MOB4: variants seen among roughly 807,000 people sequenced by gnomAD.
The protein encoded by MOB4 is MOB-like protein phocein.
In MOB4, 4 loss-of-function variants were observed where a neutral mutation model predicts 32.2. The ratio of observed to expected loss-of-function variants is 0.12; its 90% CI spans 0.06 to 0.28. The LOEUF is 0.28. Among genes scored for constraint, MOB4 ranks in the 10% least tolerant of loss-of-function variants. The probability of loss-of-function intolerance (pLI) is 1.00; values close to 1 mark genes in which losing one functional copy is unlikely to be tolerated. For synonymous variants in MOB4, 88 were observed against 88.1 expected, an observed-to-expected ratio of 1.00 and a Z score of 0.01; for missense variants, 158 against 271.2, an observed-to-expected ratio of 0.58 and a Z score of 2.93.
chr2:197,515,709 C>T (rs1263658260), upstream of MOB4: 1 of 263,236 alleles, frequency 3.8e-6, no homozygotes, highest in Non-Finnish European at 7.3e-6. Context: ...ACGGTCGCCA[C>T]TATACGAAGT....
chr2:197,531,512 G>A lies in MOB4; in HGVS notation c.124-4018G>A, dbSNP rs148632333. Among the ~76,000 whole-genome samples the A allele has an allele frequency of 8.3e-3, 1,254 of 151,966 alleles. 20 individuals are homozygous for A. The highest frequency in any genetic ancestry group is 0.029 in the African/African-American group (1,204 of 41,436). On this transcript the variant is annotated intron_variant, in intron 2 of 7. Coordinates refer to ENST00000323303, the MANE Select transcript of MOB4 (RefSeq NM_015387.5). ...TTTTTCTCAGCCTACTCAGCTTCTT[G>A]AATTTGCAAGCTTATATCTTTTTAC...
chr2:197,518,472 G>C (rs915137809), intron 1 of MOB4, among the ~76,000 whole-genome samples: 1 of 149,522 alleles, frequency 6.7e-6, no homozygotes, highest in Non-Finnish European at 1.5e-5. Flanking sequence ...ATGTTAACCA[G>C]GCTGGTCTCG....
At chr2:197,531,364 T>C (rs1185393129) in intron 2 of MOB4, among the ~76,000 whole-genome samples, 1 of 151,890 alleles carries the variant, frequency 6.6e-6, no homozygotes, top group Non-Finnish European at 1.5e-5. Context: ...TATTTTAAAG[T>C]GTACAGTTCT....
Position 197,548,326 on chromosome 2 carries a change from T to C in MOB4, c.355-10T>C. ...TTTGTTGATGCATTTCTATATTCTTTCTTTTGTAGTGTCCTGCTATAGACT... is the reference window on the plus strand; with the variant it reads ...TTTGTTGATGCATTTCTATATTCTTCCTTTTGTAGTGTCCTGCTATAGACT... On this transcript the variant is annotated splice_polypyrimidine_tract_variant and intron_variant, in intron 5 of 7. Transcript: ENST00000323303. The C allele has an allele frequency of 3.7e-6, 6 of 1,600,520 alleles. No homozygotes were observed. Among genetic ancestry groups the C allele is most frequent in the Non-Finnish European group, 4.3e-6 (5 of 1,173,616 alleles).
intron 2 of MOB4, among the ~76,000 whole-genome samples, chr2:197,531,160 G>A (rs2086696578): frequency 6.6e-6 from 1 of 151,018 alleles, no homozygotes; most frequent in Non-Finnish European, 1.5e-5. Context: ...CTACTCTCCT[G>A]CCTCAGCCTG....
chr2:197,548,568 T>C (rs895858035), intron 6 of MOB4, among the ~76,000 whole-genome samples, 153 bp downstream of exon 6: 1 of 152,192 alleles, frequency 6.6e-6, no homozygotes, highest in African/African-American at 2.4e-5. Flanking sequence ...GGCACATGTA[T>C]ACATATGTTA....
intron 5 of MOB4, among the ~76,000 whole-genome samples, chr2:197,547,406 G>A (rs982276710): frequency 2.6e-5 from 4 of 152,156 alleles, no homozygotes; most frequent in African/African-American, 9.7e-5. Context: ...CTCATCTGTG[G>A]TCATATATCT....
intron 3 of MOB4, among the ~76,000 whole-genome samples, chr2:197,539,478 C>T (rs1261211065): frequency 6.6e-5 from 10 of 151,972 alleles, no homozygotes; most frequent in Admixed American, 6.6e-4. Context: ...GCTATTATGC[C>T]CGGCTAATTT....
At position 197,535,364 on chromosome 2, in the gene MOB4, C is replaced by CT. The variant is rs565538063; in HGVS notation, c.124-159dup. On this transcript the variant is annotated intron_variant, in intron 2 of 7. Transcript: ENST00000323303. ...AGGATAAATAAGTAAGGGTAACCTA[C>CT]TTTTTTTCTTAGTTACTGATTATGA... 5.8e-3 allele frequency among the ~76,000 whole-genome samples: 888 copies of CT among 152,158 alleles called. 9 individuals carry two copies. Among genetic ancestry groups the CT allele is most frequent in the African/African-American group, 0.02 (810 of 41,526 alleles).
chr2:197,516,096 G>A lies in MOB4; in HGVS notation c.10G>A (p.Ala4Thr), dbSNP rs758788773. Residue 4 changes from alanine (A) to threonine (T), a missense_variant, in exon 1 of 8, where the codon GCG becomes ACG. Physicochemically the swap from Ala to Thr is moderately conservative, Grantham distance 58 (BLOSUM62 0). This residue lies in a region of MOB4 where 41 missense variants were observed against 26.4 expected (regional missense o/e 1.55). Coordinates refer to ENST00000323303, the MANE Select transcript of MOB4 (RefSeq NM_015387.5). Reference protein sequence around the residue: MVMAEGTAVLRRNR... With the variant: MVMTEGTAVLRRNR... ...CCTAGACGCTGGCACTATGGTCATG[G>A]CGGAGGGGACGGCAGTGCTGAGGCG... is the stretch of plus-strand genomic sequence containing the variant. 4.4e-6 allele frequency: 7 copies of A among 1,600,100 alleles called. No individual in the cohort carries two copies. In the South Asian group the frequency reaches 6.8e-5, roughly 16 times the overall value.
chr2:197,547,660 T>C lies in MOB4; in HGVS notation c.355-676T>C, dbSNP rs933615479. 5.3e-5 allele frequency among the ~76,000 whole-genome samples: 8 copies of C among 152,298 alleles called. No homozygotes were observed. The South Asian group carries it at 6.2e-4, about 12-fold the overall frequency. ...GGTAGAGTCTTTGAGCTACAGTCAT[T>C]GTTACTCCTTCCTCTAGTTGTTTTT... On this transcript the variant is annotated intron_variant, in intron 5 of 7. Coordinates refer to ENST00000323303, the MANE Select transcript of MOB4 (RefSeq NM_015387.5).
intron 1 of MOB4, among the ~76,000 whole-genome samples, chr2:197,522,596 GGT>G (rs2086541700): frequency 6.6e-6 from 1 of 151,724 alleles, no homozygotes; most frequent in Non-Finnish European, 1.5e-5. Context: ...CTCCCAAAGT[GGT>G]AGGGTTACTG....
At chr2:197,525,201 G>T (rs2086589156) in intron 2 of MOB4, among the ~76,000 whole-genome samples, 2 of 151,972 alleles carry the variant, frequency 1.3e-5, no homozygotes, top group South Asian at 4.1e-4. Context: ...AAAAAAATTA[G>T]CCGGGCGTGG....
At chr2:197,543,299 A>T (rs958389653) in intron 5 of MOB4, among the ~76,000 whole-genome samples, 2 of 152,176 alleles carry the variant, frequency 1.3e-5, no homozygotes, top group Non-Finnish European at 2.9e-5. Flanking sequence ...GTCTCAAAAA[A>T]AGATTCAGAA....
intron 2 of MOB4, among the ~76,000 whole-genome samples, chr2:197,529,512 C>T (rs1043565402): frequency 7.9e-5 from 12 of 151,474 alleles, no homozygotes; most frequent in Non-Finnish European, 1.5e-4. Flanking sequence ...CCGCCACAGC[C>T]GCCTCATTTT....
intron 1 of MOB4, among the ~76,000 whole-genome samples, chr2:197,520,449 T>C (rs1177958633): frequency 1.3e-5 from 2 of 152,202 alleles, no homozygotes; most frequent in Non-Finnish European, 2.9e-5. Context: ...ATTCATTTTA[T>C]ATACACTGTG....
At chr2:197,549,029 G>C (rs1392582505) in intron 6 of MOB4, among the ~76,000 whole-genome samples, 10 of 152,060 alleles carry the variant, frequency 6.6e-5, no homozygotes, top group African/African-American at 2.4e-4. Flanking sequence ...GGGAGTTCGA[G>C]ACCAGCCTGA....
chr2:197,517,741 C>T (rs2086439832), intron 1 of MOB4, among the ~76,000 whole-genome samples: 1 of 152,162 alleles, frequency 6.6e-6, no homozygotes, highest in Non-Finnish European at 1.5e-5. Context: ...TTTGTCCTAT[C>T]TTGTTTATCA....
At chr2:197,519,895 A>G (rs1207409305) in intron 1 of MOB4, among the ~76,000 whole-genome samples, 1 of 152,216 alleles carries the variant, frequency 6.6e-6, no homozygotes, top group African/African-American at 2.4e-5. Flanking sequence ...GATAATGTCT[A>G]AGAAAAGGAA....
Sources: allele counts gnomAD v4.1 joint callset (sites outside exome capture counted in the v4.1 genomes callset), GRCh38; gene constraint gnomAD v4.1.1; regional missense constraint gnomAD v4.1.1; transcripts MANE v1.5; gene names NCBI Gene and HGNC (gene_info 2026-07-23, HGNC 2026-07-21).